The following TBC1D5 variants were observed in gnomAD, a reference collection of about 807,000 sequenced individuals.
The protein encoded by TBC1D5 is TBC1 domain family member 5.
A neutral mutation model predicts 100.3 loss-of-function variants in TBC1D5; 75 were observed. That is an observed-to-expected ratio of 0.75 (90% CI 0.62 to 0.91). TBC1D5 has a LOEUF of 0.91. Ranked by LOEUF, TBC1D5 falls within the 40% of genes least tolerant of loss-of-function variation. The pLI, the probability that TBC1D5 is intolerant of heterozygous loss-of-function variation, is 0.00. For missense variants in TBC1D5, 910 were observed against 942.4 expected (o/e 0.97, Z 0.45); for synonymous variants, 323 against 325.6 (o/e 0.99, Z 0.09).
intron 3 of TBC1D5, among the ~76,000 whole-genome samples, chr3:17,430,471 A>G (rs2094429105): frequency 6.6e-6 from 1 of 151,832 alleles, no homozygotes; most frequent in African/African-American, 2.4e-5. Flanking sequence ...AAATGAAACT[A>G]TCACATTAAA....
At position 17,679,268 on chromosome 3, in the gene TBC1D5, G is replaced by A. The variant is rs1307807539; in HGVS notation, c.-100-55355C>T. 1.3e-5 allele frequency among the ~76,000 whole-genome samples: 2 copies of A among 150,876 alleles called. 1 individual carries two copies. Among genetic ancestry groups the A allele is most frequent in the African/African-American group, 4.9e-5 (2 of 40,518 alleles). On this transcript the variant is annotated intron_variant, in intron 1 of 21. Transcript: ENST00000253692. ...GAGACCACACCCTCCTAAAACAGAAGGTAAATGGAACAGGTAAAGAAATGT... is the reference window on the plus strand; with the variant it reads ...GAGACCACACCCTCCTAAAACAGAAAGTAAATGGAACAGGTAAAGAAATGT...
intron 18 of TBC1D5, among the ~76,000 whole-genome samples, chr3:17,200,867 A>G (rs1001428805): frequency 1.3e-5 from 2 of 152,242 alleles, no homozygotes; most frequent in African/African-American, 4.8e-5. Flanking sequence ...AGCCAAGTAC[A>G]ATAGTTTAGT....
chr3:17,269,154 T>A (rs187406077), intron 15 of TBC1D5, among the ~76,000 whole-genome samples: 3 of 152,160 alleles, frequency 2.0e-5, no homozygotes. Context: ...CAGCCCTGGA[T>A]AGGAGTAACA....
intron 13 of TBC1D5, among the ~76,000 whole-genome samples, chr3:17,314,406 A>G (rs1264610081): frequency 6.6e-6 from 1 of 152,054 alleles, no homozygotes; most frequent in African/African-American, 2.4e-5. Flanking sequence ...ATCCCTGAAC[A>G]TACATTCTAA....
rs9680887 is a variant in TBC1D5 at position 17,566,051 on chromosome 3, A to C, written c.-35-57446T>G. ...TGACAATTTCCTCATTCAGTAGAGA[A>C]AAAAAATCACTTAGTTCTTTCCTGA... On this transcript the variant is annotated intron_variant, in intron 2 of 21. Transcript: ENST00000253692. Among the ~76,000 whole-genome samples, 576 of 152,162 alleles carry C rather than the reference A, an allele frequency of 3.8e-3. 3 individuals carry two copies. The highest frequency in any genetic ancestry group is 0.013 in the African/African-American group (534 of 41,580).
chr3:17,615,989 A>G (rs543467554), intron 2 of TBC1D5, among the ~76,000 whole-genome samples: 54 of 152,110 alleles, frequency 3.6e-4, no homozygotes, highest in African/African-American at 1.3e-3. Context: ...TAGGGTGTCG[A>G]TTTCAGATCT....
At chr3:17,160,833 G>A (rs763768051) in exon 22 of TBC1D5, 15 of 1,221,010 alleles carry the variant, frequency 1.2e-5, no homozygotes, top group African/African-American at 1.5e-5. Context: ...CAAAGGGCTG[G>A]ACCAATGCAA....
intron 3 of TBC1D5, among the ~76,000 whole-genome samples, chr3:17,490,006 C>A (rs1485290257): frequency 6.6e-6 from 1 of 152,208 alleles, no homozygotes; most frequent in Non-Finnish European, 1.5e-5. Context: ...TCATCAGCAT[C>A]TGTTGTTTCT....
At chr3:17,313,666 A>C (rs1437479689) in intron 13 of TBC1D5, among the ~76,000 whole-genome samples, 1 of 152,194 alleles carries the variant, frequency 6.6e-6, no homozygotes, top group Non-Finnish European at 1.5e-5. Context: ...AAATCTCCTA[A>C]TACATTTATA....
intron 2 of TBC1D5, among the ~76,000 whole-genome samples, chr3:17,546,858 T>C (rs1186701157): frequency 1.3e-5 from 2 of 152,024 alleles, no homozygotes; most frequent in Non-Finnish European, 2.9e-5. Flanking sequence ...ACATTCCAAG[T>C]AAATAAATTT....
intron 1 of TBC1D5, among the ~76,000 whole-genome samples, chr3:17,625,313 T>C (rs566094506): frequency 2.6e-5 from 4 of 152,220 alleles, no homozygotes; most frequent in Admixed American, 2.0e-4. Flanking sequence ...CATGTAAGTA[T>C]GTAGGAGGCA....
intron 3 of TBC1D5, among the ~76,000 whole-genome samples, chr3:17,474,841 A>G (rs960303179): frequency 6.6e-6 from 1 of 152,118 alleles, no homozygotes; most frequent in African/African-American, 2.4e-5. Context: ...ATACCAATCT[A>G]TATTGCCACA....
chr3:17,508,643 C>G, intron 2 of TBC1D5, 38 bp from the exon 3 acceptor site: 2 of 1,012,762 alleles, frequency 2.0e-6, no homozygotes, highest in Non-Finnish European at 3.1e-6. Flanking sequence ...ATAATAAATT[C>G]TTTTTCTGCT....
At chr3:17,161,380 T>A in intron 21 of TBC1D5, 124 bp from the exon 23 acceptor site, 1 of 1,100,142 alleles carries the variant, frequency 9.1e-7, no homozygotes, top group Non-Finnish European at 1.3e-6. Context: ...ACATTCGACC[T>A]TGAAAGACGC....
chr3:17,451,546 T>C (rs1368178968), intron 3 of TBC1D5, among the ~76,000 whole-genome samples: 4 of 152,250 alleles, frequency 2.6e-5, no homozygotes, highest in East Asian at 3.9e-4. Context: ...ATTTTTACAC[T>C]GCTGGTGGGA....
chr3:17,528,629 C>T (rs975654862), intron 2 of TBC1D5, among the ~76,000 whole-genome samples: 4 of 152,076 alleles, frequency 2.6e-5, no homozygotes, highest in Non-Finnish European at 5.9e-5. Context: ...TTTCACCCCC[C>T]CATTCTCTAC....
intron 2 of TBC1D5, among the ~76,000 whole-genome samples, chr3:17,583,826 A>C (rs1213291969): frequency 6.6e-6 from 1 of 152,220 alleles, no homozygotes; most frequent in Non-Finnish European, 1.5e-5. Flanking sequence ...ACATAGAATT[A>C]CAATATCACC....
chr3:17,449,823 T>C (rs2149693298), intron 3 of TBC1D5, among the ~76,000 whole-genome samples: 1 of 152,256 alleles, frequency 6.6e-6, no homozygotes, highest in Non-Finnish European at 1.5e-5. Flanking sequence ...GACTTAAACA[T>C]TCCTGCCTGC....
intron 2 of TBC1D5, among the ~76,000 whole-genome samples, chr3:17,567,486 G>A (rs892495829): frequency 6.6e-6 from 1 of 151,724 alleles, no homozygotes; most frequent in Non-Finnish European, 1.5e-5. Context: ...CCATTTGGGA[G>A]CTCTAATTAC....
Sources: gnomAD v4.1 joint callset for allele counts (sites outside exome capture counted in the v4.1 genomes callset) on GRCh38, gnomAD v4.1.1 for gene constraint, MANE v1.5 for transcripts, NCBI Gene and HGNC (gene_info 2026-07-23, HGNC 2026-07-21) for gene names.